Variants in TTLL4 observed in about 807,000 individuals in gnomAD.
TTLL4 encodes the protein tubulin tyrosine ligase like 4, also known as tubulin monoglutamylase TTLL4.
A neutral mutation model predicts 122.7 loss-of-function variants in TTLL4; 85 were observed. The ratio of observed to expected loss-of-function variants is 0.69; its 90% CI spans 0.58 to 0.83. The LOEUF is 0.83. Among genes scored for constraint, TTLL4 ranks in the 40% least tolerant of loss-of-function variants. The pLI is 0.00. For missense variants in TTLL4, 1,363 were observed against 1,488.6 expected, an observed-to-expected ratio of 0.92 and a Z score of 1.39; for synonymous variants, 553 against 563.0, an observed-to-expected ratio of 0.98 and a Z score of 0.25.
chr2:218,714,591 A>T (rs983626182), intron 1 of TTLL4, among the ~76,000 whole-genome samples: 7 of 152,164 alleles, frequency 4.6e-5, no homozygotes, highest in African/African-American at 1.7e-4. Flanking sequence ...TACAATACAA[A>T]GGACCTTGTC....
In TTLL4 at chr2:218,753,130, G is replaced by A. The variant is rs773829938; in HGVS notation, c.3203G>A (p.Arg1068Gln). 8.1e-6 allele frequency: 13 copies of A among 1,614,030 alleles called. No homozygotes were observed. The highest frequency in any genetic ancestry group is 1.6e-4 in the Middle Eastern group (1 of 6,084). The part of the protein sequence containing the change: ...GNKLKGVDLL[R>Q]SWCYKGFHMG... ...CTTGTCCTAGGAGTAGATCTGCTCC[G>A]GAGTTGGTGCTACAAAGGGTTCCAC... Residue 1068 changes from arginine (R) to glutamine (Q), a missense_variant, in exon 18 of 20, where the codon CGG (arginine) becomes CAG (glutamine). Physicochemically the swap from Arg to Gln is conservative, Grantham distance 43. This residue lies in a region of TTLL4 where 596 missense variants were observed against 655.8 expected (regional missense o/e 0.91). Coordinates refer to ENST00000392102, the MANE Select transcript of TTLL4 (RefSeq NM_014640.5).
Position 218,747,504 on chromosome 2 carries a change from C to CT in TTLL4, c.2250-91dup. ...TAGCCAACTGTTCTAAGGTCTTTAT[C>CT]TTGGGGACTGTTAGCTGGCTTTTCC... On this transcript the variant is annotated intron_variant, in intron 10 of 19. Coordinates refer to ENST00000392102, the MANE Select transcript of TTLL4 (RefSeq NM_014640.5). The surrounding 1 kb of genome is among the most constrained non-coding windows in gnomAD (Gnocchi z 4.7). 6.3e-7 allele frequency: 1 copy of CT among 1,578,338 alleles called. No homozygotes were observed. The highest frequency in any genetic ancestry group is 1.4e-5 in the African/African-American group (1 of 73,948).
Position 218,738,531 on chromosome 2 carries a change from C to T in TTLL4, c.855C>T (p.Ile285=), listed in dbSNP as rs140557403. ...GTVPADASAH[I]ALSTASSHDT... is the part of the protein sequence containing the mutation. ...TCCCAGCTGATGCCAGTGCCCATAT[C>T]GCCTTGTCTACCGCTAGCTCCCACG... Residue 285 remains isoleucine, a synonymous_variant, in exon 3 of 20, where the codon ATC becomes ATT. Transcript: ENST00000392102. 48 of 1,614,130 alleles carry T rather than the reference C, an allele frequency of 3.0e-5. No individual in the cohort carries two copies. The highest frequency in any genetic ancestry group is 4.4e-5 in the South Asian group (4 of 91,076).
intron 1 of TTLL4, among the ~76,000 whole-genome samples, chr2:218,726,202 T>G (rs1942188015): frequency 6.6e-6 from 1 of 152,176 alleles, no homozygotes; most frequent in Non-Finnish European, 1.5e-5. Flanking sequence ...GGAGGGTAGT[T>G]TTTTTCAGCA....
At chr2:218,730,105 C>T (rs1942324542) in intron 2 of TTLL4, among the ~76,000 whole-genome samples, 1 of 151,956 alleles carries the variant, frequency 6.6e-6, no homozygotes, top group South Asian at 2.1e-4. Context: ...TTCTTCCTTT[C>T]CAATCTGTGT....
chr2:218,722,869 G>A (rs189572353), intron 1 of TTLL4, among the ~76,000 whole-genome samples: 3 of 152,340 alleles, frequency 2.0e-5, no homozygotes, highest in Non-Finnish European at 4.4e-5. Flanking sequence ...CTTGTTGATG[G>A]ATTAAGTGGA....
intron 1 of TTLL4, among the ~76,000 whole-genome samples, chr2:218,720,839 G>A (rs1225666625): frequency 2.0e-5 from 3 of 152,134 alleles, no homozygotes; most frequent in Admixed American, 6.5e-5. Context: ...GCTGATTGCC[G>A]AGAGAACCAA....
At chr2:218,749,468 T>C (rs1942956486) in intron 14 of TTLL4, 81 bp downstream of exon 14, 1 of 327,616 alleles carries the variant, frequency 3.1e-6, no homozygotes, top group African/African-American at 3.2e-5. Flanking sequence ...TAAGTTGTTC[T>C]TTTTTTTTTT....
intron 1 of TTLL4, among the ~76,000 whole-genome samples, chr2:218,718,801 G>A (rs1317462291): frequency 6.6e-6 from 1 of 152,174 alleles, no homozygotes; most frequent in Non-Finnish European, 1.5e-5. Context: ...AATGCTGCAT[G>A]AAGATGACAA....
chr2:218,730,007 G>A (rs554859170), intron 2 of TTLL4, among the ~76,000 whole-genome samples: 10 of 152,112 alleles, frequency 6.6e-5, no homozygotes, highest in Non-Finnish European at 1.2e-4. Context: ...TCTTCCTAAA[G>A]TATTGGGATT....
chr2:218,720,011 ATAAAG>A (rs1355744900), intron 1 of TTLL4, among the ~76,000 whole-genome samples: 2 of 152,230 alleles, frequency 1.3e-5, no homozygotes, highest in African/African-American at 2.4e-5. Context: ...CTTTGGGGAA[ATAAAG>A]TAAAGGAAAA....
At position 218,739,895 on chromosome 2, in the gene TTLL4, C is replaced by T. The variant is rs551772534; in HGVS notation, c.1488-163C>T. Among the ~76,000 whole-genome samples the T allele has an allele frequency of 6.8e-4, 104 of 152,306 alleles. 1 individual carries two copies. The highest frequency in any genetic ancestry group is 2.4e-3 in the African/African-American group (101 of 41,552). ...TAAGGTTGAGGAGCTATGCCTAGAC[C>T]TAAGCTTTGAAGACAAAAGAAATGA... On this transcript the variant is annotated intron_variant, in intron 3 of 19. Coordinates refer to ENST00000392102, the MANE Select transcript of TTLL4 (RefSeq NM_014640.5).
Position 218,747,625 on chromosome 2 carries a change from G to T in TTLL4, c.2278G>T (p.Gly760Cys), listed in dbSNP as rs776781286. 1 of 1,614,026 alleles carries T rather than the reference G, an allele frequency of 6.2e-7. No individual in the cohort carries two copies. The highest frequency in any genetic ancestry group is 8.5e-7 in the Non-Finnish European group (1 of 1,180,040). The part of the protein sequence containing the change: ...RYLHKPYLIS[G>C]SKFDLRIYVY... ...TCTACACAAACCCTACCTCATCAGC[G>T]GCAGCAAGTTTGACCTGCGGATCTA... The change falls in exon 11 of 20, where the codon GGC becomes TGC. Residue 760 changes from glycine (G) to cysteine (C), a missense_variant. By Grantham distance (159) the Gly-to-Cys change is radical. Transcript: ENST00000392102. This position sits in a 1 kb window ranked among gnomAD's most constrained non-coding sequence, Gnocchi z 4.7.
chr2:218,733,886 G>T (rs1942446119), intron 2 of TTLL4, among the ~76,000 whole-genome samples: 1 of 152,216 alleles, frequency 6.6e-6, no homozygotes, highest in South Asian at 2.1e-4. Context: ...AGGAAGTGTT[G>T]TGCAGTGAGT....
chr2:218,728,945 G>T (rs759382484), intron 2 of TTLL4, among the ~76,000 whole-genome samples: 4 of 35,354 alleles, frequency 1.1e-4, no homozygotes, highest in Admixed American at 7.1e-4. Flanking sequence ...TTTTTTTGGC[G>T]GGGGGGGGCA....
chr2:218,756,819 G>A (rs1943160671), downstream of TTLL4, among the ~76,000 whole-genome samples: 1 of 152,178 alleles, frequency 6.6e-6, no homozygotes, highest in Non-Finnish European at 1.5e-5. Context: ...CTGGAGTAGT[G>A]GAGTAAGGGC....
chr2:218,743,425 A>G (rs1276450383), intron 5 of TTLL4, among the ~76,000 whole-genome samples: 1 of 152,114 alleles, frequency 6.6e-6, no homozygotes. Flanking sequence ...TGGATGTACC[A>G]CAGTTTGTTT....
chr2:218,745,381 G>T (rs1466500123), intron 6 of TTLL4, 148 bp downstream of exon 6: 1 of 1,073,208 alleles, frequency 9.3e-7, no homozygotes, highest in Non-Finnish European at 1.3e-6. Context: ...CCATGTGGTC[G>T]TAGGTCTGAT....
chr2:218,751,596 T>C, intron 15 of TTLL4, 108 bp from the exon 16 acceptor site: 1 of 1,422,078 alleles, frequency 7.0e-7, no homozygotes, highest in Non-Finnish European at 9.2e-7. Flanking sequence ...TCATACATCT[T>C]TGTCTTCTCT....
Sources: gnomAD v4.1 joint callset for allele counts (sites outside exome capture counted in the v4.1 genomes callset) on GRCh38, gnomAD v4.1.1 for gene constraint, gnomAD v4.1.1 regional missense constraint, Gnocchi (gnomAD v3.1) non-coding constraint, MANE v1.5 for transcripts, NCBI Gene and HGNC (gene_info 2026-07-23, HGNC 2026-07-21) for gene names.